The following APBB2 variants were observed in gnomAD, a reference collection of about 807,000 sequenced individuals.
APBB2 encodes Fe65-like 1.
In APBB2, 38 loss-of-function variants were observed where a neutral mutation model predicts 82.5. The observed-to-expected ratio is 0.46, with a 90% confidence interval of 0.36 to 0.60. The LOEUF (loss-of-function observed/expected upper bound fraction) is 0.60. Ranked by LOEUF, APBB2 falls within the 20% of genes least tolerant of loss-of-function variation. APBB2 has a pLI of 0.00. For missense variants in APBB2, 772 were observed against 972.3 expected (o/e 0.79, Z 2.74); for synonymous variants, 341 against 368.2 (o/e 0.93, Z 0.85).
intron 2 of APBB2, among the ~76,000 whole-genome samples, chr4:41,133,616 C>T (rs1343431205): frequency 1.3e-5 from 2 of 151,786 alleles, no homozygotes; most frequent in Admixed American, 6.6e-5. Flanking sequence ...GCAGACACAG[C>T]GACAGGAAAA....
chr4:41,024,707 T>G (rs372917099), intron 5 of APBB2, among the ~76,000 whole-genome samples: 1 of 152,232 alleles, frequency 6.6e-6, no homozygotes, highest in Admixed American at 6.5e-5. Flanking sequence ...GTTTACAGAT[T>G]CCTGTTTTCC....
chr4:41,026,801 A>G (rs1263029234), intron 5 of APBB2, among the ~76,000 whole-genome samples: 2 of 152,302 alleles, frequency 1.3e-5, no homozygotes, highest in East Asian at 3.9e-4. Context: ...TTTTTCTTCT[A>G]TGGATATGTA....
At chr4:41,114,356 G>T (rs1247059071) in intron 2 of APBB2, among the ~76,000 whole-genome samples, 5 of 152,178 alleles carry the variant, frequency 3.3e-5, no homozygotes, top group African/African-American at 1.2e-4. Context: ...CAAACCCACA[G>T]CCAATATCAT....
intron 1 of APBB2, among the ~76,000 whole-genome samples, chr4:41,197,126 T>C: frequency 6.6e-6 from 1 of 152,236 alleles, no homozygotes; most frequent in Admixed American, 6.5e-5. Flanking sequence ...TTTTTTTTAT[T>C]TTGCCTAATC....
chr4:41,213,599 C>T (rs1051863454), intron 1 of APBB2, among the ~76,000 whole-genome samples: 4 of 152,238 alleles, frequency 2.6e-5, no homozygotes, highest in African/African-American at 9.6e-5. Context: ...GTGAAGACCA[C>T]CTTTCATTGT....
intron 1 of APBB2, among the ~76,000 whole-genome samples, chr4:41,166,092 T>G (rs940406180): frequency 6.6e-6 from 1 of 150,862 alleles, no homozygotes; most frequent in African/African-American, 2.4e-5. Context: ...GCCAGGATGG[T>G]CTCAATCTCC....
At chr4:41,177,777 C>T (rs1770225244) in intron 1 of APBB2, 1 of 152,054 alleles carries the variant, frequency 6.6e-6, no homozygotes, top group Non-Finnish European at 1.5e-5. Flanking sequence ...GGTAAGTATC[C>T]CTTATCCAAA....
At chr4:41,059,943 C>A (rs929111094) in intron 4 of APBB2, among the ~76,000 whole-genome samples, 2 of 151,592 alleles carry the variant, frequency 1.3e-5, no homozygotes, top group Admixed American at 6.6e-5. Flanking sequence ...TCGTGCCACT[C>A]CACTCCAGCC....
intron 12 of APBB2, among the ~76,000 whole-genome samples, chr4:40,865,374 T>C (rs1289345870): frequency 6.6e-6 from 1 of 152,196 alleles, no homozygotes; most frequent in South Asian, 2.1e-4. Context: ...AAACAGATAC[T>C]AAACCCATGG....
At chr4:40,931,799 C>CTT (rs111481667) in intron 10 of APBB2, among the ~76,000 whole-genome samples, 1,957 of 144,824 alleles carry the variant, frequency 0.014, 48 homozygotes, top group African/African-American at 0.047. Context: ...TTTCTGTGCC[C>CTT]TTTTTTTTTT....
intron 1 of APBB2, among the ~76,000 whole-genome samples, chr4:41,164,087 T>A (rs539417001): frequency 4.7e-4 from 71 of 152,212 alleles, no homozygotes; most frequent in Admixed American, 1.2e-3. Flanking sequence ...GGAAGTATCT[T>A]GGAGATGGAG....
At chr4:41,011,463 G>A (rs1808347575) in intron 6 of APBB2, among the ~76,000 whole-genome samples, 1 of 151,534 alleles carries the variant, frequency 6.6e-6, no homozygotes, top group African/African-American at 2.4e-5. Flanking sequence ...ATGGAGTCTC[G>A]CCTGTCACCC....
intron 12 of APBB2, among the ~76,000 whole-genome samples, chr4:40,845,779 T>C (rs1214192969): frequency 1.3e-5 from 2 of 152,054 alleles, no homozygotes; most frequent in African/African-American, 4.8e-5. Context: ...CACTCCATTT[T>C]TGCAGAAGTC....
At chr4:40,983,900 A>T (rs1465556718) in intron 6 of APBB2, among the ~76,000 whole-genome samples, 2 of 152,112 alleles carry the variant, frequency 1.3e-5, no homozygotes, top group Non-Finnish European at 2.9e-5. Context: ...GGTGTTTTTG[A>T]TCCCTGAATC....
intron 4 of APBB2, among the ~76,000 whole-genome samples, chr4:41,040,145 G>T (rs187515849): frequency 4.0e-4 from 61 of 152,154 alleles, no homozygotes; most frequent in Middle Eastern, 3.4e-3. Context: ...ATTGTAACCT[G>T]CCAAGCAGAG....
At position 40,814,728 on chromosome 4, in the gene APBB2, A is replaced by G. The variant is rs988864802; in HGVS notation, c.*1364T>C. Reference sequence around the variant, plus strand: ...TTAGCAACTTCCTTTTAAAACGACAATGTCAACGAGAGTCTAAATTTGTAT... The same window carrying G: ...TTAGCAACTTCCTTTTAAAACGACAGTGTCAACGAGAGTCTAAATTTGTAT... On this transcript the variant is annotated 3_prime_UTR_variant, in exon 18 of 18. Coordinates refer to ENST00000508593, the MANE Select transcript of APBB2 (RefSeq NM_004307.2). 5 of 152,108 alleles carry G rather than the reference A, an allele frequency of 3.3e-5. No homozygotes were observed. Among genetic ancestry groups the G allele is most frequent in the African/African-American group, 4.8e-5 (2 of 41,360 alleles). The allele number at this position is 152,108 out of a possible 1,614,324, so 9.4% of individuals were successfully genotyped here. A position where few individuals can be genotyped will look rare whatever the true frequency, so the allele number is the denominator to read the frequency against.
At chr4:40,996,183 A>G (rs945535152) in intron 6 of APBB2, among the ~76,000 whole-genome samples, 1 of 152,206 alleles carries the variant, frequency 6.6e-6, no homozygotes, top group Admixed American at 6.5e-5. Context: ...TCATCACTGT[A>G]TTTGAGAGTT....
chr4:41,213,453 G>T (rs190646795), intron 1 of APBB2, among the ~76,000 whole-genome samples: 2 of 152,204 alleles, frequency 1.3e-5, no homozygotes, highest in East Asian at 1.9e-4. Context: ...CTCTAAAACC[G>T]CGCAGAACTT....
intron 1 of APBB2, among the ~76,000 whole-genome samples, chr4:41,147,979 TA>T (rs1761257219): frequency 6.6e-6 from 1 of 152,194 alleles, no homozygotes; most frequent in Non-Finnish European, 1.5e-5. Flanking sequence ...GGAATATTTT[TA>T]TTATAAAAAT....
Sources: gnomAD v4.1 joint callset for allele counts (sites outside exome capture counted in the v4.1 genomes callset) on GRCh38, gnomAD v4.1.1 for gene constraint, MANE v1.5 for transcripts, NCBI Gene and HGNC (gene_info 2026-07-23, HGNC 2026-07-21) for gene names.